Variants in ACVR1 observed in about 807,000 individuals in gnomAD.
The protein encoded by ACVR1 is activin A receptor type 1.
A neutral mutation model predicts 57.1 loss-of-function variants in ACVR1; 38 were observed. That is an observed-to-expected ratio of 0.67 (90% confidence interval 0.51 to 0.87). ACVR1 has a LOEUF of 0.87. Among genes scored for constraint, ACVR1 ranks in the 40% least tolerant of loss-of-function variants. ACVR1 has a pLI of 0.00. For missense variants in ACVR1, 463 were observed against 638.2 expected (o/e 0.73, Z 2.96); for synonymous variants, 212 against 228.1 (o/e 0.93, Z 0.63).
intron 3 of ACVR1, among the ~76,000 whole-genome samples, chr2:157,792,525 T>A (rs1018592899): frequency 7.9e-5 from 12 of 152,200 alleles, no homozygotes; most frequent in Admixed American, 2.0e-4. Flanking sequence ...ATACACCAGA[T>A]GACCTATGGT....
At chr2:157,865,180 A>C (rs540380620) in intron 1 of ACVR1, among the ~76,000 whole-genome samples, 2 of 152,208 alleles carry the variant, frequency 1.3e-5, no homozygotes, top group South Asian at 4.1e-4. Flanking sequence ...TCAACAAATT[A>C]CTAAACTTTA....
intron 1 of ACVR1, among the ~76,000 whole-genome samples, chr2:157,848,365 G>A (rs1292467314): frequency 6.6e-6 from 1 of 152,176 alleles, no homozygotes; most frequent in African/African-American, 2.4e-5. Flanking sequence ...GCTCAAAATA[G>A]CCCATGCAGA....
At chr2:157,843,541 C>A (rs1689039041) in intron 1 of ACVR1, among the ~76,000 whole-genome samples, 1 of 152,172 alleles carries the variant, frequency 6.6e-6, no homozygotes, top group Admixed American at 6.5e-5. Context: ...GGAAAAGTAA[C>A]TTCCTTAATG....
chr2:157,804,414 T>C (rs899758685), intron 2 of ACVR1, among the ~76,000 whole-genome samples: 2 of 152,236 alleles, frequency 1.3e-5, no homozygotes, highest in African/African-American at 4.8e-5. Flanking sequence ...CAGCTAAATA[T>C]TTTTGAAATG....
intron 3 of ACVR1, among the ~76,000 whole-genome samples, chr2:157,787,009 T>C (rs1027140958): frequency 2.0e-4 from 30 of 152,132 alleles, no homozygotes; most frequent in Non-Finnish European, 4.3e-4. Flanking sequence ...TAAGTCATCC[T>C]GCACTTGAAC....
At chr2:157,755,564 A>G (rs143154572) in intron 9 of ACVR1, among the ~76,000 whole-genome samples, 2,592 of 150,154 alleles carry the variant, frequency 0.017, 69 homozygotes, top group African/African-American at 0.058. Context: ...ATACCATACC[A>G]TACCGTACCA....
intron 1 of ACVR1, among the ~76,000 whole-genome samples, chr2:157,872,705 T>A (rs1690151506): frequency 6.6e-6 from 1 of 152,224 alleles, no homozygotes; most frequent in South Asian, 2.1e-4. Flanking sequence ...AAATCTATAG[T>A]CAGCATAGTG....
intron 1 of ACVR1, among the ~76,000 whole-genome samples, chr2:157,827,045 T>A (rs1340344641): frequency 6.6e-6 from 1 of 152,094 alleles, no homozygotes; most frequent in East Asian, 1.9e-4. Flanking sequence ...ACTCTTACCA[T>A]TTCTAGGGTA....
intron 1 of ACVR1, among the ~76,000 whole-genome samples, chr2:157,838,804 T>C (rs1452498350): frequency 6.6e-6 from 1 of 152,114 alleles, no homozygotes; most frequent in African/African-American, 2.4e-5. Context: ...CCATTTCTAC[T>C]TCATGTTTAA....
chr2:157,810,127 T>C (rs1687701173), intron 2 of ACVR1, among the ~76,000 whole-genome samples: 1 of 152,188 alleles, frequency 6.6e-6, no homozygotes, highest in African/African-American at 2.4e-5. Context: ...CCCAAGGCAG[T>C]GGAAAAGAGG....
At chr2:157,766,661 A>T (rs1685872224) in intron 7 of ACVR1, among the ~76,000 whole-genome samples, 1 of 152,212 alleles carries the variant, frequency 6.6e-6, no homozygotes, top group Non-Finnish European at 1.5e-5. Flanking sequence ...CTTAGCCTAT[A>T]TCTGCTCAGA....
Position 157,876,245 on chromosome 2 carries a change from G to A in ACVR1, c.-632C>T, listed in dbSNP as rs1287592120. ...GGACCAGCTGGGCTTGCCCCCGGGGGCGGCGGGGGAGACCGTCACAGAGAG... is the reference window on the plus strand; with the variant it reads ...GGACCAGCTGGGCTTGCCCCCGGGGACGGCGGGGGAGACCGTCACAGAGAG... On this transcript the variant is annotated 5_prime_UTR_variant, in exon 1 of 11. Coordinates refer to ENST00000434821, the MANE Select transcript of ACVR1 (RefSeq NM_001111067.4). Among the ~76,000 whole-genome samples the A allele has an allele frequency of 2.0e-5, 3 of 148,864 alleles. No homozygotes were observed. Among genetic ancestry groups the A allele is most frequent in the Non-Finnish European group, 4.5e-5 (3 of 66,748 alleles).
At chr2:157,779,204 G>A (rs1458639919) in intron 4 of ACVR1, among the ~76,000 whole-genome samples, 1 of 152,190 alleles carries the variant, frequency 6.6e-6, no homozygotes, top group Non-Finnish European at 1.5e-5. Context: ...CTAGCAGAGT[G>A]ATCTGCAGAT....
chr2:157,793,335 C>G (rs1313176552), intron 3 of ACVR1, among the ~76,000 whole-genome samples: 1 of 151,988 alleles, frequency 6.6e-6, no homozygotes, highest in Admixed American at 6.6e-5. Context: ...ATCCATACCC[C>G]TCTTATACTG....
chr2:157,852,255 T>C (rs1339989467), intron 1 of ACVR1, among the ~76,000 whole-genome samples: 2 of 151,946 alleles, frequency 1.3e-5, no homozygotes, highest in East Asian at 3.9e-4. Context: ...CCCAGCACTT[T>C]GGGAGGCCGA....
At chr2:157,863,336 CTTTTTTTTTTTTTTTTTTT>C (rs1161335923) in intron 1 of ACVR1, among the ~76,000 whole-genome samples, 1 of 35,674 alleles carries the variant, frequency 2.8e-5, no homozygotes, top group Non-Finnish European at 4.8e-5. Context: ...AATTGTTTCT[CTTTTTTTTTTTTTTTTTTT>C]TTTTTTTTTT....
At chr2:157,746,209 C>T (rs563236475) in intron 9 of ACVR1, among the ~76,000 whole-genome samples, 1 of 152,346 alleles carries the variant, frequency 6.6e-6, no homozygotes, top group South Asian at 2.1e-4. Context: ...TGGCCTTCAT[C>T]ACCCATTTTC....
At chr2:157,747,722 C>G (rs888799047) in intron 9 of ACVR1, among the ~76,000 whole-genome samples, 4 of 151,656 alleles carry the variant, frequency 2.6e-5, no homozygotes, top group Admixed American at 2.6e-4. Flanking sequence ...TGAATACTTT[C>G]AGGTTTAAGT....
chr2:157,780,039 G>T (rs1015459013), intron 4 of ACVR1, among the ~76,000 whole-genome samples: 3 of 152,166 alleles, frequency 2.0e-5, no homozygotes, highest in Non-Finnish European at 4.4e-5. Context: ...AACATAAAAA[G>T]GTATTGGGAG....
Sources: gnomAD v4.1 joint callset for allele counts (sites outside exome capture counted in the v4.1 genomes callset) on GRCh38, gnomAD v4.1.1 for gene constraint, MANE v1.5 for transcripts, NCBI Gene and HGNC (gene_info 2026-07-23, HGNC 2026-07-21) for gene names.